Variants in DOCK1 observed in about 807,000 individuals in gnomAD.
DOCK1 encodes dedicator of cytokinesis protein 1.
In DOCK1, 138 loss-of-function variants were observed where a neutral mutation model predicts 262.7. That is an observed-to-expected ratio of 0.53 (90% CI 0.46 to 0.61). The LOEUF (loss-of-function observed/expected upper bound fraction) is 0.61. Among genes scored for constraint, DOCK1 ranks in the 20% least tolerant of loss-of-function variants. The pLI is 0.00. For synonymous variants in DOCK1, 866 were observed against 867.4 expected (o/e 1.00, Z 0.03); for missense variants, 1,908 against 2,370.7 (o/e 0.80, Z 4.05).
intron 1 of DOCK1, among the ~76,000 whole-genome samples, chr10:126,969,216 C>T (rs1487718451): frequency 6.6e-6 from 1 of 152,212 alleles, no homozygotes; most frequent in African/African-American, 2.4e-5. Context: ...TTATTTTGGC[C>T]ATTGAAAACC....
rs946373142 is a variant in DOCK1 at position 126,948,608 on chromosome 10, C to G, written c.47-22094C>G. 7.2e-5 allele frequency among the ~76,000 whole-genome samples: 11 copies of G among 152,040 alleles called. 1 individual carries two copies. Among genetic ancestry groups the G allele is most frequent in the South Asian group, 4.2e-4 (2 of 4,778 alleles). ...AGGGCCCTCAAAATGCTCCAGGCCA[C>G]AGATGGAGAAGGAAAGTTTCCCGAT... On this transcript the variant is annotated intron_variant, in intron 1 of 51. Transcript: ENST00000623213.
intron 1 of DOCK1, among the ~76,000 whole-genome samples, chr10:126,950,639 G>T (rs1390830021): frequency 6.6e-6 from 1 of 152,102 alleles, no homozygotes; most frequent in Non-Finnish European, 1.5e-5. Context: ...TGTGCTGGGA[G>T]TGCTGTTCTC....
Position 127,125,527 on chromosome 10 carries a change from G to T in DOCK1, c.2677G>T (p.Glu893Ter). The change falls in exon 26 of 52, where the codon GAG becomes TAG. Residue 893 changes from glutamate (E) to a stop codon, truncating the protein, a stop_gained. Coordinates refer to ENST00000623213, the MANE Select transcript of DOCK1 (RefSeq NM_001290223.2). LOFTEE classifies it high-confidence loss of function. ...GACCGATCAGCTCAAGTACCATCTG[G>T]AGAGACAGGAGGACCTGGAGGCCTG... Reference protein sequence around the residue: ...MMTDQLKYHLERQEDLEACCQ... With the variant: ...MMTDQLKYHL 1 of 1,613,876 alleles carries T rather than the reference G, an allele frequency of 6.2e-7. No individual in the cohort carries two copies. Among genetic ancestry groups the T allele is most frequent in the Non-Finnish European group, 8.5e-7 (1 of 1,179,870 alleles).
intron 29 of DOCK1, among the ~76,000 whole-genome samples, chr10:127,263,594 A>G (rs2060255069): frequency 6.6e-6 from 1 of 152,210 alleles, no homozygotes; most frequent in Non-Finnish European, 1.5e-5. Context: ...GAAGTGCTTT[A>G]TAATCTTCCC....
intron 4 of DOCK1, among the ~76,000 whole-genome samples, chr10:126,983,636 C>T (rs1192620375): frequency 6.6e-6 from 1 of 152,114 alleles, no homozygotes; most frequent in African/African-American, 2.4e-5. Context: ...CAGGCTCTGT[C>T]TTTCTTTTAC....
chr10:127,074,111 T>G lies in DOCK1; in HGVS notation c.2445+12335T>G, dbSNP rs189437785. ...GAGCTTAAAAAATCATTAGCTCTGT[T>G]ATATTGAATACTTGCAAAATTTCAT... On this transcript the variant is annotated intron_variant, in intron 23 of 51. Transcript: ENST00000623213. Among the ~76,000 whole-genome samples, 198 of 152,360 alleles carry G rather than the reference T, an allele frequency of 1.3e-3. 2 individuals are homozygous for G. Among genetic ancestry groups the G allele is most frequent in the African/African-American group, 4.5e-3 (187 of 41,586 alleles).
At chr10:127,038,015 C>T (rs1317852093) in intron 19 of DOCK1, among the ~76,000 whole-genome samples, 199 bp downstream of exon 19, 1 of 151,976 alleles carries the variant, frequency 6.6e-6, no homozygotes, top group Non-Finnish European at 1.5e-5. Flanking sequence ...GGGTGGATCA[C>T]CTGAGGTCAG....
intron 2 of DOCK1, among the ~76,000 whole-genome samples, chr10:126,971,740 T>C (rs1419320174): frequency 1.3e-5 from 2 of 151,914 alleles, no homozygotes; most frequent in South Asian, 2.1e-4. Flanking sequence ...TTGATGTGTT[T>C]GATGTGAACT....
At chr10:127,112,269 C>T (rs2048914675) in intron 25 of DOCK1, among the ~76,000 whole-genome samples, 1 of 152,184 alleles carries the variant, frequency 6.6e-6, no homozygotes, top group African/African-American at 2.4e-5. Flanking sequence ...GCCTCGGCCT[C>T]CCAGAGTGCT....
chr10:127,148,573 G>A (rs1224809892), intron 27 of DOCK1, among the ~76,000 whole-genome samples: 2 of 152,258 alleles, frequency 1.3e-5, no homozygotes, highest in South Asian at 2.1e-4. Context: ...CTGGTTTGCC[G>A]ATGATGTTTC....
At chr10:126,974,162 G>T (rs1359020196) in intron 2 of DOCK1, among the ~76,000 whole-genome samples, 3 of 152,144 alleles carry the variant, frequency 2.0e-5, no homozygotes, top group East Asian at 3.9e-4. Flanking sequence ...CCAGGCCCCA[G>T]TGTTGATTGA....
At chr10:126,933,616 C>T (rs901412486) in intron 1 of DOCK1, among the ~76,000 whole-genome samples, 11 of 152,084 alleles carry the variant, frequency 7.2e-5, no homozygotes, top group Admixed American at 3.9e-4. Flanking sequence ...TGCCCTGAGT[C>T]AGCCCCCCGG....
chr10:127,261,428 C>A (rs540519120), intron 29 of DOCK1, among the ~76,000 whole-genome samples: 38 of 105,248 alleles, frequency 3.6e-4, no homozygotes, highest in African/African-American at 1.5e-3. Context: ...TACCCATGCT[C>A]ATCTGTGTGT....
intron 38 of DOCK1, among the ~76,000 whole-genome samples, chr10:127,387,431 T>C (rs78433685): frequency 0.012 from 1,831 of 152,328 alleles, 33 homozygotes; most frequent in African/African-American, 0.042. Context: ...CCTGTTACTT[T>C]GTGGTAGAGG....
chr10:127,046,222 C>T (rs916816807), intron 21 of DOCK1, among the ~76,000 whole-genome samples: 2 of 152,140 alleles, frequency 1.3e-5, no homozygotes, highest in African/African-American at 4.8e-5. Context: ...CTGAGTGAAG[C>T]AGGCTTCATG....
chr10:126,912,713 G>A (rs2031981637), intron 1 of DOCK1, among the ~76,000 whole-genome samples: 1 of 135,858 alleles, frequency 7.4e-6, no homozygotes, highest in Non-Finnish European at 1.6e-5. Context: ...GTGACAGAGT[G>A]AGACTCCATC....
intron 23 of DOCK1, among the ~76,000 whole-genome samples, chr10:127,067,521 G>A (rs956017859): frequency 6.7e-6 from 1 of 148,848 alleles, no homozygotes; most frequent in Non-Finnish European, 1.5e-5. Context: ...TGCATTGTAT[G>A]TGTGTGTGTG....
In DOCK1 at chr10:127,447,637, G is replaced by A. The variant is rs551845639; in HGVS notation, c.5565+92G>A. On this transcript the variant is annotated intron_variant, in intron 51 of 51. Coordinates refer to ENST00000623213, the MANE Select transcript of DOCK1 (RefSeq NM_001290223.2). ...TTCCAGATACTAGCAGGTTTACTTC[G>A]GGCTAGTGAGCACATGAGGAAAACC... 3.0e-4 allele frequency: 448 copies of A among 1,512,802 alleles called. 1 individual carries two copies. Among genetic ancestry groups the A allele is most frequent in the Non-Finnish European group, 3.8e-4 (430 of 1,127,234 alleles). The allele number at this position is 1,512,802 out of a possible 1,614,324, so 93.7% of individuals were successfully genotyped here.
intron 1 of DOCK1, among the ~76,000 whole-genome samples, chr10:126,907,897 G>T (rs769719805): frequency 6.6e-5 from 10 of 151,998 alleles, no homozygotes; most frequent in Non-Finnish European, 1.3e-4. Flanking sequence ...ATTTAAAAAA[G>T]TTAAAAAAAG....
Sources: gnomAD v4.1 joint callset for allele counts (sites outside exome capture counted in the v4.1 genomes callset) on GRCh38, gnomAD v4.1.1 for gene constraint, MANE v1.5 for transcripts, NCBI Gene and HGNC (gene_info 2026-07-23, HGNC 2026-07-21) for gene names.